The following AOPEP variants were observed in gnomAD, a reference collection of about 807,000 sequenced individuals.
AOPEP encodes aminopeptidase O (putative).
A neutral mutation model predicts 98.1 loss-of-function variants in AOPEP; 77 were observed. The observed-to-expected ratio is 0.78, with a 90% CI of 0.65 to 0.95. AOPEP has a LOEUF of 0.95. Among genes scored for constraint, AOPEP ranks in the 40% least tolerant of loss-of-function variants. The pLI, the probability that AOPEP is intolerant of heterozygous loss-of-function variation, is 0.00. For missense variants in AOPEP, 1,024 were observed against 1,024.7 expected (o/e 1.00, Z 0.01); for synonymous variants, 346 against 365.3 (o/e 0.95, Z 0.60).
At chr9:95,102,133 G>A in the AOPEP span, among the ~76,000 whole-genome samples, 2 of 152,194 alleles carry the variant, frequency 1.3e-5, no homozygotes, top group South Asian at 2.1e-4. Flanking sequence ...ACAAACAAGC[G>A]CTGCTTGCAA....
chr9:95,003,173 C>T (rs1268076575), intron 11 of AOPEP, among the ~76,000 whole-genome samples: 2 of 147,592 alleles, frequency 1.4e-5, no homozygotes, highest in East Asian at 3.9e-4. Context: ...TGTGCGCGCG[C>T]GCGCGCGTGT....
the AOPEP span, among the ~76,000 whole-genome samples, chr9:95,147,624 CA>C: frequency 2.6e-5 from 4 of 152,032 alleles, 1 homozygote; most frequent in Non-Finnish European, 1.5e-5. Context: ...TAAATAAAGA[CA>C]AAAAATGTGA....
Position 95,025,613 on chromosome 9 carries a change from A to G in AOPEP, c.2115+19997A>G, listed in dbSNP as rs143622097. On this transcript the variant is annotated intron_variant, in intron 13 of 16. Coordinates refer to ENST00000375315, the MANE Select transcript of AOPEP (RefSeq NM_001193329.3). Reference sequence around the variant, plus strand: ...TGGGCATGGGCTGCCTGCTTACCACATTGGTATTTTCGTTTTGTATAATTA... The same window carrying G: ...TGGGCATGGGCTGCCTGCTTACCACGTTGGTATTTTCGTTTTGTATAATTA... Among the ~76,000 whole-genome samples the G allele has an allele frequency of 6.6e-5, 10 of 152,292 alleles. No homozygotes were observed. In the East Asian group the frequency reaches 1.5e-3, roughly 23 times the overall value.
rs534194674 is a variant in AOPEP, at chr9:94,983,757, G to A, written c.1977+4330G>A. Among the ~76,000 whole-genome samples, 100 of 152,180 alleles carry A rather than the reference G, an allele frequency of 6.6e-4. 2 individuals are homozygous for A. Among genetic ancestry groups the A allele is most frequent in the African/African-American group, 2.3e-3 (97 of 41,532 alleles). ...CAGCCTGCCTTTGTGCATGCCCTTT[G>A]CTCCTTGGCATGCTTTCCTCTCCCT... On this transcript the variant is annotated intron_variant, in intron 11 of 16. Coordinates refer to ENST00000375315, the MANE Select transcript of AOPEP (RefSeq NM_001193329.3).
At chr9:94,812,212 C>T (rs1255859609) in intron 5 of AOPEP, among the ~76,000 whole-genome samples, 1 of 152,068 alleles carries the variant, frequency 6.6e-6, no homozygotes, top group Non-Finnish European at 1.5e-5. Context: ...AGAAGTAGGC[C>T]CAGAGCTAGA....
At chr9:94,924,434 G>A (rs1186503649) in intron 6 of AOPEP, among the ~76,000 whole-genome samples, 2 of 152,164 alleles carry the variant, frequency 1.3e-5, no homozygotes, top group African/African-American at 4.8e-5. Flanking sequence ...GACCCATAGA[G>A]GGGCAGTGGG....
chr9:95,070,197 C>A (rs1382758251), intron 14 of AOPEP, among the ~76,000 whole-genome samples: 1 of 152,232 alleles, frequency 6.6e-6, no homozygotes, highest in Non-Finnish European at 1.5e-5. Context: ...TGTGGCTACT[C>A]TGCAGAGGCC....
chr9:95,091,617 C>T (rs2070867981), downstream of AOPEP, among the ~76,000 whole-genome samples: 1 of 152,126 alleles, frequency 6.6e-6, no homozygotes, highest in African/African-American at 2.4e-5. Context: ...GTGACCTTGG[C>T]CTTGCTGCTT....
chr9:95,126,055 A>C, the AOPEP span, among the ~76,000 whole-genome samples: 1 of 152,256 alleles, frequency 6.6e-6, no homozygotes, highest in East Asian at 1.9e-4. Flanking sequence ...TTCAAAATAA[A>C]AATGTAATGT....
At chr9:95,006,452 A>G (rs775636130) in intron 13 of AOPEP, among the ~76,000 whole-genome samples, 6 of 152,150 alleles carry the variant, frequency 3.9e-5, no homozygotes, top group South Asian at 2.1e-4. Flanking sequence ...ATTGCTGCCA[A>G]TTTCTGTGCT....
At chr9:94,913,054 A>G (rs1184394774) in intron 5 of AOPEP, among the ~76,000 whole-genome samples, 1 of 152,226 alleles carries the variant, frequency 6.6e-6, no homozygotes, top group Admixed American at 6.5e-5. Context: ...AAAGGTAACC[A>G]CCTAGGAATG....
intron 7 of AOPEP, among the ~76,000 whole-genome samples, chr9:94,944,212 A>T (rs1347104395): frequency 6.6e-6 from 1 of 152,214 alleles, no homozygotes; most frequent in African/African-American, 2.4e-5. Context: ...AAGCTTAAGC[A>T]TAGAGTGACC....
chr9:95,031,286 GGTCT>G (rs1305098604), intron 13 of AOPEP, among the ~76,000 whole-genome samples: 4 of 152,036 alleles, frequency 2.6e-5, no homozygotes, highest in East Asian at 1.9e-4. Context: ...TCAGTGCGTC[GGTCT>G]GTCTTTGTTC....
chr9:94,907,051 G>C (rs921417277), intron 5 of AOPEP, among the ~76,000 whole-genome samples: 10 of 152,030 alleles, frequency 6.6e-5, no homozygotes, highest in African/African-American at 2.4e-4. Context: ...TCCTCTTTCT[G>C]AGCCTTTGTT....
chr9:94,823,179 A>G (rs1853657165), intron 5 of AOPEP, among the ~76,000 whole-genome samples: 1 of 152,038 alleles, frequency 6.6e-6, no homozygotes, highest in Admixed American at 6.6e-5. Context: ...TATTTTTAGT[A>G]GGGACGGGGT....
chr9:94,841,659 A>C (rs932414324), intron 5 of AOPEP, among the ~76,000 whole-genome samples: 1 of 152,148 alleles, frequency 6.6e-6, no homozygotes, highest in African/African-American at 2.4e-5. Context: ...GTCAAAGGAC[A>C]CTTTTTTTGT....
the AOPEP span, among the ~76,000 whole-genome samples, chr9:95,146,744 T>C: frequency 6.6e-6 from 1 of 151,908 alleles, no homozygotes; most frequent in East Asian, 1.9e-4. Flanking sequence ...CACTCGTAAC[T>C]TGGAGTCATG....
In AOPEP at chr9:95,086,717, C is replaced by T; in HGVS notation, c.*40C>T. The T allele has an allele frequency of 1.0e-6, 1 of 988,404 alleles. No homozygotes were observed. Among genetic ancestry groups the T allele is most frequent in the Non-Finnish European group, 1.2e-6 (1 of 830,508 alleles). The allele number at this position is 988,404 out of a possible 1,614,324, so 61.2% of individuals were successfully genotyped here. A position where few individuals can be genotyped will look rare whatever the true frequency, so the allele number is the denominator to read the frequency against. On this transcript the variant is annotated 3_prime_UTR_variant, in exon 17 of 17. Coordinates refer to ENST00000375315, the MANE Select transcript of AOPEP (RefSeq NM_001193329.3). Reference sequence around the variant, plus strand: ...AGCAAGATTCTTTCATTCGTCTCCTCCTAGCCTGGGGGACCAGGCTCGAAC... The same window carrying T: ...AGCAAGATTCTTTCATTCGTCTCCTTCTAGCCTGGGGGACCAGGCTCGAAC...
chr9:94,896,167 A>G (rs1358913011), intron 5 of AOPEP, among the ~76,000 whole-genome samples: 2 of 152,252 alleles, frequency 1.3e-5, no homozygotes, highest in East Asian at 1.9e-4. Context: ...ATACAACTCG[A>G]TAAGATGGAT....
Sources: gnomAD v4.1 joint callset for allele counts (sites outside exome capture counted in the v4.1 genomes callset) on GRCh38, gnomAD v4.1.1 for gene constraint, MANE v1.5 for transcripts, NCBI Gene and HGNC (gene_info 2026-07-23, HGNC 2026-07-21) for gene names.